Variants in FIP1L1 observed in about 807,000 individuals in gnomAD.
The protein encoded by FIP1L1 is pre-mRNA 3'-end-processing factor FIP1.
In FIP1L1, 21 loss-of-function variants were observed where a neutral mutation model predicts 84.6. The observed-to-expected ratio is 0.25, with a 90% confidence interval of 0.18 to 0.36. The LOEUF is 0.36. Among genes scored for constraint, FIP1L1 ranks in the 10% least tolerant of loss-of-function variants. The pLI is 1.00. For missense variants in FIP1L1, 526 were observed against 751.1 expected (o/e 0.70, Z 3.50); for synonymous variants, 263 against 242.3 (o/e 1.09, Z -0.80).
intron 11 of FIP1L1, among the ~76,000 whole-genome samples, chr4:53,422,330 A>G (rs1420849499): frequency 6.6e-6 from 1 of 151,582 alleles, no homozygotes; most frequent in African/African-American, 2.4e-5. Context: ...TTAGTTTTTA[A>G]TGTATTGTGG....
chr4:53,449,695 G>T (rs189813333), intron 15 of FIP1L1, among the ~76,000 whole-genome samples: 2 of 152,138 alleles, frequency 1.3e-5, no homozygotes, highest in East Asian at 3.9e-4. Context: ...TGTAATATTG[G>T]AATGATCTGT....
intron 4 of FIP1L1, 57 bp downstream of exon 4, chr4:53,382,392 A>C: frequency 7.2e-7 from 1 of 1,395,748 alleles, no homozygotes; most frequent in Non-Finnish European, 1.0e-6. Flanking sequence ...ATAGCTTCAC[A>C]GTTTACATAG....
chr4:53,443,939 G>T (rs1338768964), intron 14 of FIP1L1, 109 bp from the exon 15 acceptor site: 11 of 578,890 alleles, frequency 1.9e-5, no homozygotes, highest in Admixed American at 1.2e-4. Flanking sequence ...CATTAAATTG[G>T]TGGTTGGATA....
Position 53,432,533 on chromosome 4 carries a change from A to G in FIP1L1, c.1174+4350A>G, listed in dbSNP as rs146813032. 3.2e-4 allele frequency among the ~76,000 whole-genome samples: 48 copies of G among 152,046 alleles called. 2 individuals are homozygous for G. The East Asian group carries it at 6.9e-3, about 22-fold the overall frequency. ...AGTTTCCATTGTATTAAGTTTTTTC[A>G]GAAATACATTACAGTGGTTTCATGC... On this transcript the variant is annotated intron_variant, in intron 13 of 17. Coordinates refer to ENST00000337488, the MANE Select transcript of FIP1L1 (RefSeq NM_030917.4).
At chr4:53,454,061 G>A (rs912316881) in intron 16 of FIP1L1, among the ~76,000 whole-genome samples, 6 of 152,090 alleles carry the variant, frequency 3.9e-5, no homozygotes, top group African/African-American at 1.2e-4. Flanking sequence ...ACACTTATGT[G>A]TTAAGTTTTA....
At chr4:53,409,719 T>C (rs1361645859) in intron 10 of FIP1L1, among the ~76,000 whole-genome samples, 1 of 152,232 alleles carries the variant, frequency 6.6e-6, no homozygotes, top group East Asian at 1.9e-4. Flanking sequence ...CCAGCCTCGC[T>C]GCCACCTGGC....
intron 11 of FIP1L1, among the ~76,000 whole-genome samples, chr4:53,420,225 A>AAAC (rs71197019): frequency 7.0e-6 from 1 of 143,044 alleles, no homozygotes; most frequent in Non-Finnish European, 1.5e-5. Flanking sequence ...AAAAAAAAAA[A>AAAC]CCAGCCTGAC....
At chr4:53,394,402 G>A (rs1269498371) in intron 9 of FIP1L1, among the ~76,000 whole-genome samples, 1 of 152,030 alleles carries the variant, frequency 6.6e-6, no homozygotes, top group South Asian at 2.1e-4. Context: ...TTCACTGGAG[G>A]GCTGTTTTTT....
At chr4:53,395,017 CTT>C in intron 9 of FIP1L1, among the ~76,000 whole-genome samples, 1 of 151,988 alleles carries the variant, frequency 6.6e-6, no homozygotes, top group East Asian at 1.9e-4. Flanking sequence ...AGGTTGTAGA[CTT>C]AAGTTTTGTT....
intron 11 of FIP1L1, among the ~76,000 whole-genome samples, chr4:53,419,518 G>A (rs1424231305): frequency 1.3e-5 from 2 of 152,040 alleles, no homozygotes; most frequent in Non-Finnish European, 2.9e-5. Flanking sequence ...ATAGCTCCCT[G>A]CAAACTCGAA....
chr4:53,420,384 G>A (rs545637716), intron 11 of FIP1L1, among the ~76,000 whole-genome samples: 42 of 145,192 alleles, frequency 2.9e-4, no homozygotes, highest in Middle Eastern at 3.6e-3. Flanking sequence ...AGCTGAGATC[G>A]TGCCATTGCA....
At chr4:53,450,093 T>C (rs2150352901) in intron 15 of FIP1L1, among the ~76,000 whole-genome samples, 1 of 152,204 alleles carries the variant, frequency 6.6e-6, no homozygotes, top group Non-Finnish European at 1.5e-5. Context: ...TTGTTATCCC[T>C]TTTTTTGTTG....
intron 12 of FIP1L1, 44 bp from the exon 13 acceptor site, chr4:53,427,983 A>T (rs745525323): frequency 7.1e-7 from 1 of 1,411,818 alleles, no homozygotes; most frequent in African/African-American, 1.4e-5. Context: ...TTAATCTTAC[A>T]TAATATTTAT....
chr4:53,424,067 G>T (rs1249584237), intron 11 of FIP1L1, among the ~76,000 whole-genome samples: 7 of 152,104 alleles, frequency 4.6e-5, no homozygotes, highest in African/African-American at 1.7e-4. Flanking sequence ...AACAAATTTG[G>T]TAGAATTTGT....
At chr4:53,438,977 C>T (rs1770710629) in intron 13 of FIP1L1, among the ~76,000 whole-genome samples, 1 of 152,032 alleles carries the variant, frequency 6.6e-6, no homozygotes, top group South Asian at 2.1e-4. Context: ...TTGGTATATT[C>T]CTTTATCTTA....
At position 53,381,310 on chromosome 4, in the gene FIP1L1, G is replaced by A. The variant is rs893383938; in HGVS notation, c.171-968G>A. ...AAGTTCCTGCTATTAGAATTTGCCC[G>A]TTTCCTACTGACTGGCTCATTGCTG... is the stretch of plus-strand genomic sequence containing the variant. On this transcript the variant is annotated intron_variant, in intron 3 of 17. Transcript: ENST00000337488. 6.6e-5 allele frequency among the ~76,000 whole-genome samples: 10 copies of A among 152,126 alleles called. 1 individual carries two copies. Among genetic ancestry groups the A allele is most frequent in the South Asian group, 4.1e-4 (2 of 4,832 alleles).
intron 11 of FIP1L1, among the ~76,000 whole-genome samples, chr4:53,416,919 TGCCACTGCAC>T (rs2149794666): frequency 6.6e-6 from 1 of 151,974 alleles, no homozygotes; most frequent in African/African-American, 2.4e-5. Flanking sequence ...CCCAAGATCA[TGCCACTGCAC>T]GCCATCCTGG....
In FIP1L1 at chr4:53,439,935, G is replaced by A. The variant is rs188648499; in HGVS notation, c.1175-2718G>A. On this transcript the variant is annotated intron_variant, in intron 13 of 17. Transcript: ENST00000337488. ...AGTTTATAATGTGTACAAATAATGA[G>A]TGAGAGTCACTCAAATTAATATTTG... 5.9e-5 allele frequency among the ~76,000 whole-genome samples: 9 copies of A among 152,086 alleles called. No homozygotes were observed. The East Asian group carries it at 1.7e-3, about 29-fold the overall frequency.
intron 16 of FIP1L1, among the ~76,000 whole-genome samples, chr4:53,454,588 C>T (rs1717927624): frequency 6.6e-6 from 1 of 152,158 alleles, no homozygotes; most frequent in African/African-American, 2.4e-5. Flanking sequence ...GTAAACCATC[C>T]TGTAAACAGA....
Sources: gnomAD v4.1 joint callset for allele counts (sites outside exome capture counted in the v4.1 genomes callset) on GRCh38, gnomAD v4.1.1 for gene constraint, MANE v1.5 for transcripts, NCBI Gene and HGNC (gene_info 2026-07-23, HGNC 2026-07-21) for gene names.